MIPOL1: variants seen among roughly 807,000 people sequenced by gnomAD.
MIPOL1 encodes the protein mirror-image polydactyly 1.
MIPOL1 carries 57 observed loss-of-function variants against 60.9 expected under a neutral mutation model. The ratio of observed to expected loss-of-function variants is 0.94; its 90% CI spans 0.76 to 1.17. The LOEUF is 1.17. Among genes scored for constraint, MIPOL1 ranks in the 50% most tolerant of loss-of-function variants. The pLI is 0.00. For synonymous variants in MIPOL1, 179 were observed against 168.8 expected, an observed-to-expected ratio of 1.06 and a Z score of -0.47; for missense variants, 551 against 511.6, an observed-to-expected ratio of 1.08 and a Z score of -0.74.
At chr14:37,462,731 A>C (rs2094554264) in intron 11 of MIPOL1, among the ~76,000 whole-genome samples, 1 of 152,208 alleles carries the variant, frequency 6.6e-6, no homozygotes, top group African/African-American at 2.4e-5. Context: ...AAATGCTGCC[A>C]GTCGCTTTAT....
At chr14:37,286,831 A>G (rs2084608583) in intron 7 of MIPOL1, among the ~76,000 whole-genome samples, 2 of 152,158 alleles carry the variant, frequency 1.3e-5, no homozygotes, top group Admixed American at 1.3e-4. Flanking sequence ...CAAAATAACC[A>G]TCTTTATCTA....
At chr14:37,308,314 C>G (rs1196509817) in intron 8 of MIPOL1, 35 bp from the exon 9 acceptor site, 1 of 1,459,948 alleles carries the variant, frequency 6.8e-7, no homozygotes, top group Non-Finnish European at 9.1e-7. Context: ...TATATTAAAA[C>G]TTCATGTCTG....
intron 12 of MIPOL1, among the ~76,000 whole-genome samples, chr14:37,519,669 GA>G (rs994345109): frequency 2.0e-5 from 3 of 151,300 alleles, no homozygotes; most frequent in South Asian, 2.1e-4. Flanking sequence ...TGTTACAGGG[GA>G]AAAAAAAGAC....
intron 7 of MIPOL1, among the ~76,000 whole-genome samples, chr14:37,294,105 A>G (rs1471047071): frequency 6.6e-6 from 1 of 152,162 alleles, no homozygotes; most frequent in Non-Finnish European, 1.5e-5. Flanking sequence ...CTCCTCTGAG[A>G]CAAAACTTCT....
At chr14:37,272,076 T>C (rs912983304) in intron 6 of MIPOL1, among the ~76,000 whole-genome samples, 2 of 151,486 alleles carry the variant, frequency 1.3e-5, no homozygotes, top group African/African-American at 2.4e-5. Context: ...ATTACTTTGT[T>C]ATATTTCTCA....
At chr14:37,462,647 G>T (rs1471545857) in intron 11 of MIPOL1, among the ~76,000 whole-genome samples, 1 of 152,162 alleles carries the variant, frequency 6.6e-6, no homozygotes, top group African/African-American at 2.4e-5. Flanking sequence ...TTGCTGCTTA[G>T]AAATTTCTTC....
chr14:37,362,505 G>A (rs1259614205), intron 9 of MIPOL1, among the ~76,000 whole-genome samples: 3 of 152,126 alleles, frequency 2.0e-5, no homozygotes, highest in Non-Finnish European at 4.4e-5. Context: ...TTCCCTTTGT[G>A]GGTAACCTGA....
chr14:37,517,231 G>A (rs536713160), intron 12 of MIPOL1, among the ~76,000 whole-genome samples: 1 of 152,116 alleles, frequency 6.6e-6, no homozygotes, highest in South Asian at 2.1e-4. Flanking sequence ...GCTTTGAAAA[G>A]TATAATGTGC....
chr14:37,474,095 G>T (rs1029661172), intron 11 of MIPOL1, among the ~76,000 whole-genome samples: 25 of 152,110 alleles, frequency 1.6e-4, no homozygotes, highest in South Asian at 4.1e-4. Flanking sequence ...TTCATGGCTC[G>T]ATAGTTCTTT....
chr14:37,367,718 C>A (rs1487075704), intron 9 of MIPOL1, among the ~76,000 whole-genome samples: 2 of 151,932 alleles, frequency 1.3e-5, no homozygotes, highest in African/African-American at 4.8e-5. Flanking sequence ...CTTATAGGTC[C>A]TACTTAGTTA....
intron 11 of MIPOL1, among the ~76,000 whole-genome samples, chr14:37,445,417 T>A (rs1351167316): frequency 9.2e-5 from 14 of 151,794 alleles, no homozygotes; most frequent in Admixed American, 1.3e-4. Context: ...TCAATGAAAT[T>A]AAAGAGGATA....
At chr14:37,446,088 G>T (rs1286776894) in intron 11 of MIPOL1, among the ~76,000 whole-genome samples, 26 of 152,246 alleles carry the variant, frequency 1.7e-4, no homozygotes, top group African/African-American at 5.5e-4. Flanking sequence ...CTAATTAAAT[G>T]AAAGAGCTTC....
chr14:37,251,233 T>G (rs1409372046), intron 3 of MIPOL1, among the ~76,000 whole-genome samples: 2 of 151,938 alleles, frequency 1.3e-5, no homozygotes, highest in Non-Finnish European at 2.9e-5. Context: ...GCTAATTTTT[T>G]TAAAAATGGT....
chr14:37,304,863 T>G (rs2086652030), intron 7 of MIPOL1, among the ~76,000 whole-genome samples: 1 of 151,848 alleles, frequency 6.6e-6, no homozygotes, highest in Admixed American at 6.6e-5. Flanking sequence ...CTATGTCAAG[T>G]TAGACTGTTG....
chr14:37,283,573 T>G (rs2084302242), intron 6 of MIPOL1, among the ~76,000 whole-genome samples: 1 of 152,186 alleles, frequency 6.6e-6, no homozygotes, highest in Non-Finnish European at 1.5e-5. Context: ...CAGTACAAAT[T>G]AATCAAAACC....
chr14:37,286,272 A>T (rs1362938463), intron 7 of MIPOL1, among the ~76,000 whole-genome samples: 1 of 152,202 alleles, frequency 6.6e-6, no homozygotes, highest in Admixed American at 6.5e-5. Flanking sequence ...TAGATGATGG[A>T]CTACACTTAG....
intron 6 of MIPOL1, among the ~76,000 whole-genome samples, chr14:37,271,386 T>G (rs1480130814): frequency 6.6e-6 from 1 of 152,068 alleles, no homozygotes; most frequent in Non-Finnish European, 1.5e-5. Context: ...GAGGTCATAA[T>G]CATGCTTTAC....
chr14:37,370,560 C>T (rs1435219339), intron 10 of MIPOL1, among the ~76,000 whole-genome samples: 1 of 152,088 alleles, frequency 6.6e-6, no homozygotes, highest in Non-Finnish European at 1.5e-5. Context: ...AAGCTGGAAT[C>T]ATGTACCAAA....
intron 11 of MIPOL1, among the ~76,000 whole-genome samples, chr14:37,464,686 A>C (rs752313544): frequency 3.3e-5 from 5 of 152,296 alleles, no homozygotes; most frequent in Non-Finnish European, 4.4e-5. Flanking sequence ...CTTCACCACT[A>C]TGCAATGTAT....
Sources: allele counts gnomAD v4.1 joint callset (sites outside exome capture counted in the v4.1 genomes callset), GRCh38; gene constraint gnomAD v4.1.1; transcripts MANE v1.5; gene names NCBI Gene and HGNC (gene_info 2026-07-23, HGNC 2026-07-21).